The following ARHGAP42 variants were observed in gnomAD, a reference collection of about 807,000 sequenced individuals.
ARHGAP42 encodes rho GTPase-activating protein 42.
Under a neutral mutation model 125.0 loss-of-function variants are expected in ARHGAP42, and 63 were observed. The observed-to-expected ratio is 0.50, with a 90% CI of 0.41 to 0.62. The LOEUF (loss-of-function observed/expected upper bound fraction) is 0.62, where lower values mean the gene tolerates loss of function less well. ARHGAP42 is among the 20% of genes least tolerant of loss of function. The pLI is 0.00. For missense variants in ARHGAP42, 766 were observed against 1,024.2 expected, an observed-to-expected ratio of 0.75 and a Z score of 3.44; for synonymous variants, 339 against 351.0, an observed-to-expected ratio of 0.97 and a Z score of 0.38.
chr11:100,855,455 A>T (rs980532880), intron 3 of ARHGAP42, among the ~76,000 whole-genome samples: 3 of 152,108 alleles, frequency 2.0e-5, no homozygotes, highest in African/African-American at 7.2e-5. Context: ...TTTTTTAATG[A>T]ATAAGTGTGG....
intron 1 of ARHGAP42, among the ~76,000 whole-genome samples, chr11:100,750,936 CTTTTT>C (rs762255065): frequency 7.9e-6 from 1 of 126,826 alleles, no homozygotes. Flanking sequence ...TTGATGTATA[CTTTTT>C]TTTTTTTTTT....
At chr11:100,937,040 G>A (rs1412557331) in intron 8 of ARHGAP42, among the ~76,000 whole-genome samples, 2 of 152,168 alleles carry the variant, frequency 1.3e-5, no homozygotes, top group African/African-American at 4.8e-5. Context: ...CCAGCCCATC[G>A]TGGACCAATG....
chr11:100,915,672 A>G (rs534293534), intron 5 of ARHGAP42, among the ~76,000 whole-genome samples: 1 of 152,302 alleles, frequency 6.6e-6, no homozygotes, highest in Admixed American at 6.5e-5. Flanking sequence ...TTCTGGTTCC[A>G]TGTTTAAGTG....
At chr11:100,975,965 A>C (rs1419813032) in intron 19 of ARHGAP42, 92 bp from the exon 20 acceptor site, 2 of 1,383,598 alleles carry the variant, frequency 1.4e-6, no homozygotes, top group Admixed American at 2.9e-5. Flanking sequence ...GCCGCAGAAC[A>C]CATGGTAAGT....
chr11:100,979,336 C>A (rs1044287524), intron 22 of ARHGAP42, among the ~76,000 whole-genome samples: 3 of 152,146 alleles, frequency 2.0e-5, no homozygotes, highest in East Asian at 1.9e-4. Flanking sequence ...TGATGACAGT[C>A]ATTTTGGGAC....
At chr11:100,801,811 C>T (rs1472079979) in intron 3 of ARHGAP42, among the ~76,000 whole-genome samples, 1 of 152,158 alleles carries the variant, frequency 6.6e-6, no homozygotes, top group Non-Finnish European at 1.5e-5. Context: ...TTGACACCTG[C>T]CATCATGTGG....
At chr11:100,806,664 A>G (rs913666259) in intron 3 of ARHGAP42, among the ~76,000 whole-genome samples, 4 of 152,220 alleles carry the variant, frequency 2.6e-5, no homozygotes, top group African/African-American at 9.6e-5. Context: ...CATTTACTGA[A>G]TTGTGGATGC....
intron 1 of ARHGAP42, among the ~76,000 whole-genome samples, chr11:100,725,891 C>T (rs1016496028): frequency 6.8e-6 from 1 of 146,880 alleles, no homozygotes; most frequent in Non-Finnish European, 1.5e-5. Flanking sequence ...GCCGAGATCG[C>T]GCCACTGATC....
rs187606082 is a variant in ARHGAP42 at position 100,777,017 on chromosome 11, G to A, written c.250+6579G>A. Among the ~76,000 whole-genome samples, 141 of 150,278 alleles carry A rather than the reference G, an allele frequency of 9.4e-4. 1 individual carries two copies. Among genetic ancestry groups the A allele is most frequent in the African/African-American group, 3.3e-3 (136 of 40,868 alleles). ...AAAAAAAAAACACGAAGAGCATGTC[G>A]CATTTTAAAAAAGAAGCTGTTTTAT... On this transcript the variant is annotated intron_variant, in intron 2 of 23. Transcript: ENST00000298815.
chr11:100,690,434 A>G (rs550046602), intron 1 of ARHGAP42, among the ~76,000 whole-genome samples: 1 of 152,232 alleles, frequency 6.6e-6, no homozygotes, highest in South Asian at 2.1e-4. Context: ...AGAGTCACAC[A>G]TGCTCCTTGC....
chr11:100,935,848 A>AT (rs973783847), intron 7 of ARHGAP42, among the ~76,000 whole-genome samples: 1 of 152,102 alleles, frequency 6.6e-6, no homozygotes, highest in African/African-American at 2.4e-5. Context: ...GTTTTGAAAC[A>AT]TTTTTCTGGG....
intron 1 of ARHGAP42, among the ~76,000 whole-genome samples, chr11:100,710,925 GCC>G (rs1861555945): frequency 6.6e-6 from 1 of 152,162 alleles, no homozygotes; most frequent in Non-Finnish European, 1.5e-5. Context: ...ACCCTGTGGT[GCC>G]ACACCCCCTC....
At chr11:100,745,478 A>G (rs1245731087) in intron 1 of ARHGAP42, among the ~76,000 whole-genome samples, 3 of 152,186 alleles carry the variant, frequency 2.0e-5, no homozygotes, top group African/African-American at 7.2e-5. Flanking sequence ...AAGTACACCT[A>G]TTACGGCTGT....
At chr11:100,940,220 A>G (rs1867839951) in intron 8 of ARHGAP42, among the ~76,000 whole-genome samples, 1 of 152,228 alleles carries the variant, frequency 6.6e-6, no homozygotes, top group Non-Finnish European at 1.5e-5. Flanking sequence ...GAAAAAAATT[A>G]AATGGCTCAT....
chr11:100,888,130 T>G (rs962503622), intron 4 of ARHGAP42, among the ~76,000 whole-genome samples: 3 of 152,140 alleles, frequency 2.0e-5, no homozygotes, highest in Admixed American at 6.5e-5. Flanking sequence ...CAGGCAGATA[T>G]GTAAGTATTT....
At chr11:100,920,552 C>A (rs552719144) in intron 5 of ARHGAP42, among the ~76,000 whole-genome samples, 13 of 152,138 alleles carry the variant, frequency 8.5e-5, no homozygotes, top group African/African-American at 3.1e-4. Context: ...TTTTGTAATA[C>A]CCAACTGGCG....
At chr11:100,875,107 C>CTCTGTGTGTGTG (rs1384655603) in intron 4 of ARHGAP42, among the ~76,000 whole-genome samples, 1 of 82,280 alleles carries the variant, frequency 1.2e-5, no homozygotes, top group Non-Finnish European at 2.4e-5. Context: ...CTCTCTCTCT[C>CTCTGTGTGTGTG]TGTGTGTGTG....
At chr11:100,721,564 C>T (rs1861759293) in intron 1 of ARHGAP42, among the ~76,000 whole-genome samples, 1 of 151,852 alleles carries the variant, frequency 6.6e-6, no homozygotes, top group Non-Finnish European at 1.5e-5. Flanking sequence ...CCTCTGCCTC[C>T]CGGGTTCAAG....
chr11:100,912,950 G>C (rs1047542889), intron 4 of ARHGAP42, among the ~76,000 whole-genome samples: 10 of 151,874 alleles, frequency 6.6e-5, no homozygotes, highest in African/African-American at 2.4e-4. Flanking sequence ...TGATATTTCA[G>C]GTGTCTTTTG....
Sources: gnomAD v4.1 joint callset for allele counts (sites outside exome capture counted in the v4.1 genomes callset) on GRCh38, gnomAD v4.1.1 for gene constraint, MANE v1.5 for transcripts, NCBI Gene and HGNC (gene_info 2026-07-23, HGNC 2026-07-21) for gene names.